RBFOX3: variants seen among roughly 807,000 people sequenced by gnomAD.
The protein encoded by RBFOX3 is RNA binding protein fox-1 homolog 3.
RBFOX3 carries 17 observed loss-of-function variants against 48.7 expected under a neutral mutation model. That is an observed-to-expected ratio of 0.35 (90% confidence interval 0.24 to 0.52). RBFOX3 has a LOEUF of 0.52. Among genes scored for constraint, RBFOX3 ranks in the 20% least tolerant of loss-of-function variants. The pLI is 0.94. For missense variants in RBFOX3, 382 were observed against 497.5 expected, an observed-to-expected ratio of 0.77 and a Z score of 2.21; for synonymous variants, 212 against 209.5, an observed-to-expected ratio of 1.01 and a Z score of -0.10.
intron 1 of RBFOX3, among the ~76,000 whole-genome samples, chr17:79,522,486 ACTATTTT>A (rs2086240599): frequency 2.6e-5 from 4 of 151,976 alleles, no homozygotes; most frequent in African/African-American, 9.7e-5. Flanking sequence ...CCCAACTCCA[ACTATTTT>A]CAGGGTACAT....
At chr17:79,173,483 G>C (rs2049833810) in intron 4 of RBFOX3, among the ~76,000 whole-genome samples, 3 of 152,106 alleles carry the variant, frequency 2.0e-5, no homozygotes, top group Admixed American at 2.0e-4. Flanking sequence ...TGGTGGGGAG[G>C]GCCTATTCTC....
rs907217444 is a variant in RBFOX3 at position 79,220,202 on chromosome 17, G to A, written c.-34+15564C>T. On this transcript the variant is annotated intron_variant, in intron 4 of 14. Transcript: ENST00000693108. This position sits in a 1 kb window ranked among gnomAD's most constrained non-coding sequence, Gnocchi z 5.9. ...ATACCCAAAAATACATCATCATTTC[G>A]GAACCGCGGCTCCACAGCAGGCTCC... Among the ~76,000 whole-genome samples the A allele has an allele frequency of 3.3e-5, 5 of 152,154 alleles. No homozygotes were observed. Among genetic ancestry groups the A allele is most frequent in the African/African-American group, 9.7e-5 (4 of 41,426 alleles).
chr17:79,149,092 A>C (rs894760900), intron 4 of RBFOX3, among the ~76,000 whole-genome samples: 1 of 152,230 alleles, frequency 6.6e-6, no homozygotes, highest in Non-Finnish European at 1.5e-5. Context: ...CTTAAGAAGC[A>C]CAAGGAGATC....
In RBFOX3 at chr17:79,094,438, C is replaced by T. The variant is rs552604935; in HGVS notation, c.1077+13G>A. Reference sequence around the variant, plus strand: ...GACTGGCACCCAGGGCTGGGCGGGCCTGGGCTCCTTACCATGGTTCCAATG... The same window carrying T: ...GACTGGCACCCAGGGCTGGGCGGGCTTGGGCTCCTTACCATGGTTCCAATG... On this transcript the variant is annotated intron_variant, in intron 14 of 14. Coordinates refer to ENST00000693108, the MANE Select transcript of RBFOX3 (RefSeq NM_001350451.2). 1.8e-5 allele frequency: 27 copies of T among 1,497,208 alleles called. No homozygotes were observed. The African/African-American group carries it at 2.8e-4, about 15-fold the overall frequency. The allele number at this position is 1,497,208 out of a possible 1,614,324, so 92.7% of individuals were successfully genotyped here.
Position 79,115,657 on chromosome 17 carries a change from G to T in RBFOX3, c.59C>A (p.Ala20Asp). 3 of 1,309,260 alleles carry T rather than the reference G, an allele frequency of 2.3e-6. No individual in the cohort carries two copies. The highest frequency in any genetic ancestry group is 1.5e-5 in the African/African-American group (1 of 65,242). 81.1% of individuals were successfully genotyped at this position (1,309,260 alleles called of 1,614,324 possible). ...YPPPPQNGIPAEYAPPPPHPT... is the reference protein window; with the variant it reads ...YPPPPQNGIPDEYAPPPPHPT... ...GTGCGGTGGGGGCGGGGCGTACTCGGCAGGGATGCCGTTCTGTGGCGGAGG... is the reference window on the plus strand; with the variant it reads ...GTGCGGTGGGGGCGGGGCGTACTCGTCAGGGATGCCGTTCTGTGGCGGAGG... The change falls in exon 5 of 15, where the codon GCC becomes GAC. Residue 20 changes from alanine (A) to aspartate (D), a missense_variant. Transcript: ENST00000693108.
chr17:79,501,195 C>T (rs964410547), intron 1 of RBFOX3, among the ~76,000 whole-genome samples: 11 of 152,200 alleles, frequency 7.2e-5, no homozygotes, highest in African/African-American at 2.4e-4. Flanking sequence ...TCCTCCGAGC[C>T]GCTAAATGCT....
chr17:79,198,498 A>G lies in RBFOX3; in HGVS notation c.-34+37268T>C, dbSNP rs1446879556. Among the ~76,000 whole-genome samples the G allele has an allele frequency of 1.3e-5, 2 of 152,196 alleles. No homozygotes were observed. ...TGCCTCACTCAAGCCTGTGGGACAG[A>G]TGGGTACAGCTGGAGACTGAGGCTT... On this transcript the variant is annotated intron_variant, in intron 4 of 14. Transcript: ENST00000693108. This position sits in a 1 kb window ranked among gnomAD's most constrained non-coding sequence, Gnocchi z 8.2.
At chr17:79,528,484 C>T (rs1249616664) in intron 1 of RBFOX3, among the ~76,000 whole-genome samples, 4 of 152,048 alleles carry the variant, frequency 2.6e-5, no homozygotes, top group Admixed American at 2.6e-4. Context: ...TTAGTTGAAC[C>T]TCTGAGGTAC....
intron 1 of RBFOX3, chr17:79,603,955 C>T (rs914997516): frequency 3.3e-5 from 5 of 152,430 alleles, no homozygotes; most frequent in Non-Finnish European, 7.3e-5. Context: ...GCACAGAGCC[C>T]GCCCACCAGC....
chr17:79,381,649 A>G (rs2059940385), intron 2 of RBFOX3, among the ~76,000 whole-genome samples: 1 of 152,198 alleles, frequency 6.6e-6, no homozygotes, highest in Non-Finnish European at 1.5e-5. Flanking sequence ...ACCACCTTGT[A>G]CGACTTCGAT....
intron 2 of RBFOX3, among the ~76,000 whole-genome samples, chr17:79,388,549 C>T (rs1299416789): frequency 6.6e-6 from 1 of 152,208 alleles, no homozygotes; most frequent in Non-Finnish European, 1.5e-5. Context: ...TTTAATAAAT[C>T]TCTAATCTCT....
the RBFOX3 span, among the ~76,000 whole-genome samples, chr17:79,656,700 G>GAA: frequency 1.4e-4 from 2 of 13,982 alleles, no homozygotes; most frequent in African/African-American, 8.4e-5. Flanking sequence ...AAGGAAGGAA[G>GAA]GAAGGAAGGA....
chr17:79,444,197 C>T (rs1422209226), intron 2 of RBFOX3, among the ~76,000 whole-genome samples: 3 of 152,136 alleles, frequency 2.0e-5, no homozygotes, highest in Admixed American at 6.5e-5. Flanking sequence ...GGCTGCAGAC[C>T]GGACACCCAC....
At chr17:79,172,189 A>G (rs1377342372) in intron 4 of RBFOX3, among the ~76,000 whole-genome samples, 1 of 151,676 alleles carries the variant, frequency 6.6e-6, no homozygotes, top group East Asian at 1.9e-4. Flanking sequence ...AAAAAAAAAA[A>G]AAAAAGAGAA....
chr17:79,168,196 G>A (rs992975411), intron 4 of RBFOX3, among the ~76,000 whole-genome samples: 19 of 152,154 alleles, frequency 1.2e-4, no homozygotes, highest in South Asian at 6.2e-4. Flanking sequence ...ACCCCTGACC[G>A]GCAGGGCCCT....
At chr17:79,626,016 T>C in the RBFOX3 span, among the ~76,000 whole-genome samples, 1 of 152,070 alleles carries the variant, frequency 6.6e-6, no homozygotes, top group Non-Finnish European at 1.5e-5. Context: ...TAATGAACAG[T>C]TAGTGGGAAA....
At chr17:79,448,695 T>G (rs7224144) in intron 2 of RBFOX3, among the ~76,000 whole-genome samples, 65,080 of 151,940 alleles carry the variant, frequency 0.43, 14,136 homozygotes, top group South Asian at 0.48. Flanking sequence ...ACTTGTTATA[T>G]CAGATGCAGG....
At chr17:79,346,801 T>A (rs1402841020) in intron 2 of RBFOX3, among the ~76,000 whole-genome samples, 2 of 152,230 alleles carry the variant, frequency 1.3e-5, no homozygotes, top group Non-Finnish European at 2.9e-5. Context: ...TAAATTAAAA[T>A]TAAATTTATT....
chr17:79,591,441 C>T (rs1162742159), intron 1 of RBFOX3, among the ~76,000 whole-genome samples: 16 of 152,168 alleles, frequency 1.1e-4, no homozygotes, highest in African/African-American at 3.6e-4. Flanking sequence ...TGCGCCCATC[C>T]GATGGACACC....
Sources: gnomAD v4.1 joint callset for allele counts (sites outside exome capture counted in the v4.1 genomes callset) on GRCh38, gnomAD v4.1.1 for gene constraint, Gnocchi (gnomAD v3.1) non-coding constraint, MANE v1.5 for transcripts, NCBI Gene and HGNC (gene_info 2026-07-23, HGNC 2026-07-21) for gene names.